Variants in MMP16 observed in about 807,000 individuals in gnomAD.
MMP16 encodes the protein matrix metallopeptidase 16.
Under a neutral mutation model 67.8 loss-of-function variants are expected in MMP16, and 12 were observed. That is an observed-to-expected ratio of 0.18 (90% CI 0.11 to 0.29). The LOEUF is 0.29. Ranked by LOEUF, MMP16 falls within the 10% of genes least tolerant of loss-of-function variation. The pLI is 1.00. For missense variants in MMP16, 475 were observed against 765.7 expected (o/e 0.62, Z 4.48); for synonymous variants, 249 against 255.9 (o/e 0.97, Z 0.26).
chr8:88,180,685 G>A (rs757889576), intron 3 of MMP16, among the ~76,000 whole-genome samples: 25 of 151,940 alleles, frequency 1.6e-4, no homozygotes, highest in Admixed American at 2.6e-4. Context: ...ATTATAATTG[G>A]AGACTTCCAA....
chr8:88,184,563 GAAAAAAAAAA>G lies in MMP16; in HGVS notation c.404+1903_404+1912del, dbSNP rs59310737. Among the ~76,000 whole-genome samples, 14 of 10,936 alleles carry G rather than the reference GAAAAAAAAAA, an allele frequency of 1.3e-3. No homozygotes were observed. The East Asian group carries it at 0.013, about 10-fold the overall frequency. The allele number at this position is 10,936 out of a possible 152,430, so 7.2% of individuals were successfully genotyped here. ...GGGCAAATGGTAAAACTCTCTCTCT[GAAAAAAAAAA>G]AAAAAAAAAAAAAAAAAGCAAAAAT... On this transcript the variant is annotated intron_variant, in intron 3 of 9. Transcript: ENST00000286614.
intron 1 of MMP16, among the ~76,000 whole-genome samples, chr8:88,276,699 C>T (rs1452002331): frequency 6.6e-6 from 1 of 152,054 alleles, no homozygotes; most frequent in Non-Finnish European, 1.5e-5. Context: ...GATGTTCTTA[C>T]CCAATAGTGC....
chr8:88,149,143 C>G (rs1465179088), intron 4 of MMP16, among the ~76,000 whole-genome samples: 1 of 152,222 alleles, frequency 6.6e-6, no homozygotes, highest in Non-Finnish European at 1.5e-5. Flanking sequence ...GAATATTGCG[C>G]TTTTCAGACG....
At chr8:88,275,422 T>C (rs1915022) in intron 1 of MMP16, among the ~76,000 whole-genome samples, 148,584 of 152,008 alleles carry the variant, frequency 0.98, 72,688 homozygotes, top group East Asian at 1. Context: ...GTTTGAATAA[T>C]GACTTTAGTT....
intron 3 of MMP16, among the ~76,000 whole-genome samples, chr8:88,183,841 G>A (rs924738732): frequency 1.3e-5 from 2 of 149,414 alleles, no homozygotes; most frequent in Non-Finnish European, 3.0e-5. Flanking sequence ...TCAGCCTCTC[G>A]AGTAGCTGGG....
intron 6 of MMP16, among the ~76,000 whole-genome samples, chr8:88,077,798 G>C (rs1299768494): frequency 6.6e-6 from 1 of 152,128 alleles, no homozygotes; most frequent in Non-Finnish European, 1.5e-5. Context: ...TAAAAGTTAT[G>C]AAGGGGTCAC....
At chr8:88,185,665 C>T (rs1809061469) in intron 3 of MMP16, among the ~76,000 whole-genome samples, 2 of 152,174 alleles carry the variant, frequency 1.3e-5, no homozygotes, top group African/African-American at 4.8e-5. Flanking sequence ...CTTTCCTCTT[C>T]TCCTGCCCAT....
intron 3 of MMP16, among the ~76,000 whole-genome samples, chr8:88,175,371 T>C (rs759039643): frequency 7.2e-5 from 11 of 152,304 alleles, no homozygotes; most frequent in African/African-American, 9.6e-5. Context: ...AGCTTAAATG[T>C]CAGATTTTAC....
intron 4 of MMP16, among the ~76,000 whole-genome samples, chr8:88,153,133 A>C (rs962171321): frequency 2.8e-5 from 4 of 144,350 alleles, no homozygotes; most frequent in Non-Finnish European, 6.1e-5. Flanking sequence ...AAAGAGAATA[A>C]AATACCTAGG....
chr8:88,064,068 T>C (rs531658085), intron 7 of MMP16, among the ~76,000 whole-genome samples: 23 of 152,286 alleles, frequency 1.5e-4, no homozygotes, highest in Non-Finnish European at 2.5e-4. Context: ...CCACCTGTTC[T>C]TGTAAATCAC....
At chr8:88,161,670 C>G (rs549118924) in intron 4 of MMP16, among the ~76,000 whole-genome samples, 1 of 152,108 alleles carries the variant, frequency 6.6e-6, no homozygotes, top group African/African-American at 2.4e-5. Context: ...ATCTTTCCTG[C>G]TTTCTCTCGT....
rs1479713723 is a variant in MMP16, at chr8:88,320,460, A to G, written c.132+6615T>C. ...TTTTTGACCTATTACACACCTAAAA[A>G]TAAGAGAAATGTAAAGCATTCCTGC... On this transcript the variant is annotated intron_variant, in intron 1 of 9. Transcript: ENST00000286614. Among the ~76,000 whole-genome samples the G allele has an allele frequency of 1.8e-4, 28 of 152,178 alleles. 1 individual carries two copies. The highest frequency in any genetic ancestry group is 1.8e-3 in the Admixed American group (28 of 15,274).
intron 1 of MMP16, among the ~76,000 whole-genome samples, chr8:88,304,563 T>G (rs950174400): frequency 1.3e-5 from 2 of 152,198 alleles, no homozygotes; most frequent in Admixed American, 1.3e-4. Context: ...CCTAGCCACC[T>G]ACAAAGGGAA....
At chr8:88,098,348 A>T (rs2118368104) in intron 6 of MMP16, among the ~76,000 whole-genome samples, 1 of 152,092 alleles carries the variant, frequency 6.6e-6, no homozygotes, top group East Asian at 1.9e-4. Flanking sequence ...GGATTGATTG[A>T]CTGGTTGCCC....
intron 1 of MMP16, among the ~76,000 whole-genome samples, chr8:88,254,270 G>T (rs774181935): frequency 6.6e-6 from 1 of 152,068 alleles, no homozygotes; most frequent in Non-Finnish European, 1.5e-5. Flanking sequence ...GAGAACACAT[G>T]GACACGTCCA....
Position 88,039,476 on chromosome 8 carries a change from C to T in MMP16, c.*1985G>A, listed in dbSNP as rs1025365248. On this transcript the variant is annotated 3_prime_UTR_variant, in exon 10 of 10. Transcript: ENST00000286614. The surrounding 1 kb of genome is among the most constrained non-coding windows in gnomAD (Gnocchi z 4.5). ...CAACTAATCCAATGGAGAAGCAACA[C>T]CAGATTTCCTTCAGTTTGTGCCAGT... is the stretch of plus-strand genomic sequence containing the variant. 1 of 152,546 alleles carries T rather than the reference C, an allele frequency of 6.6e-6. No homozygotes were observed. The highest frequency in any genetic ancestry group is 2.4e-5 in the African/African-American group (1 of 41,422). 9.4% of individuals were successfully genotyped at this position (152,546 alleles called of 1,614,324 possible). A position where few individuals can be genotyped will look rare whatever the true frequency, so the allele number is the denominator to read the frequency against.
chr8:88,210,673 T>C lies in MMP16; in HGVS notation c.133-13367A>G, dbSNP rs1044678626. Among the ~76,000 whole-genome samples the C allele has an allele frequency of 7.2e-5, 11 of 152,250 alleles. No individual in the cohort carries two copies. The South Asian group carries it at 2.3e-3, about 32-fold the overall frequency. ...ACATCTGGGAAAGCTCTAGGAAATA[T>C]ACAGCAAGGTACAATAGGTGGTAAT... On this transcript the variant is annotated intron_variant, in intron 1 of 9. Transcript: ENST00000286614.
rs545000648 is a variant in MMP16, at chr8:88,056,039, C to T, written c.1373+89G>A. The stretch of plus-strand genomic sequence containing the variant: ...CTGTGTTAAATCCACCAGGATTCTT[C>T]AACAGCTGATGCCTCTGATAGACTA... On this transcript the variant is annotated intron_variant, in intron 8 of 9. Transcript: ENST00000286614. 243 of 1,058,230 alleles carry T rather than the reference C, an allele frequency of 2.3e-4. 1 individual carries two copies. The highest frequency in any genetic ancestry group is 9.1e-4 in the Middle Eastern group (4 of 4,386). 65.6% of individuals were successfully genotyped at this position (1,058,230 alleles called of 1,614,324 possible). A position where few individuals can be genotyped will look rare whatever the true frequency, so the allele number is the denominator to read the frequency against.
intron 1 of MMP16, among the ~76,000 whole-genome samples, chr8:88,256,692 A>T (rs1404798438): frequency 2.6e-5 from 4 of 151,220 alleles, no homozygotes; most frequent in South Asian, 2.1e-4. Context: ...TCTCACACAC[A>T]CACACACACA....
Sources: allele counts gnomAD v4.1 joint callset (sites outside exome capture counted in the v4.1 genomes callset), GRCh38; gene constraint gnomAD v4.1.1; non-coding constraint Gnocchi (gnomAD v3.1); transcripts MANE v1.5; gene names NCBI Gene and HGNC (gene_info 2026-07-23, HGNC 2026-07-21).